The following ULK4 variants were observed in gnomAD, a reference collection of about 807,000 sequenced individuals.
ULK4 encodes inactive serine/threonine-protein kinase ULK4.
A neutral mutation model predicts 160.6 loss-of-function variants in ULK4; 133 were observed. The observed-to-expected ratio is 0.83, with a 90% CI of 0.72 to 0.96. The LOEUF is 0.96. ULK4 is among the 40% of genes least tolerant of loss of function. The pLI is 0.00. For synonymous variants in ULK4, 534 were observed against 539.8 expected (o/e 0.99, Z 0.15); for missense variants, 1,580 against 1,499.5 (o/e 1.05, Z -0.89).
intron 27 of ULK4, among the ~76,000 whole-genome samples, chr3:41,690,325 A>G (rs1201237704): frequency 6.6e-6 from 1 of 151,496 alleles, no homozygotes; most frequent in Non-Finnish European, 1.5e-5. Context: ...TAGCTTTAGG[A>G]GATATACCTA....
chr3:41,935,017 AT>A (rs10635589), intron 4 of ULK4, among the ~76,000 whole-genome samples: 5,228 of 112,652 alleles, frequency 0.046, 90 homozygotes, highest in East Asian at 0.15. Context: ...TTATTTATTA[AT>A]TTTTTTTTTT....
chr3:41,735,770 C>T (rs1036284354), intron 22 of ULK4, among the ~76,000 whole-genome samples: 2 of 150,508 alleles, frequency 1.3e-5, no homozygotes, highest in East Asian at 2.0e-4. Flanking sequence ...CATATGTATA[C>T]ATATGTCATG....
intron 27 of ULK4, among the ~76,000 whole-genome samples, chr3:41,702,560 A>C (rs1297491696): frequency 6.6e-6 from 1 of 152,200 alleles, no homozygotes; most frequent in Non-Finnish European, 1.5e-5. Flanking sequence ...ATATTAATCA[A>C]AACAAAGTTT....
chr3:41,907,591 G>T (rs1444236010), intron 12 of ULK4, among the ~76,000 whole-genome samples: 1 of 152,056 alleles, frequency 6.6e-6, no homozygotes, highest in Non-Finnish European at 1.5e-5. Context: ...CATCCAGCCT[G>T]AATTGTTCAC....
chr3:41,821,524 G>T (rs1045170496), intron 18 of ULK4, among the ~76,000 whole-genome samples: 4 of 152,152 alleles, frequency 2.6e-5, no homozygotes, highest in African/African-American at 9.7e-5. Context: ...GTTATAACAG[G>T]ACAGGTTCCT....
At chr3:41,248,267 A>C (rs2078681387) in intron 36 of ULK4, among the ~76,000 whole-genome samples, 1 of 152,178 alleles carries the variant, frequency 6.6e-6, no homozygotes, top group African/African-American at 2.4e-5. Flanking sequence ...ATTTTGCACA[A>C]GGCCAGGATC....
intron 35 of ULK4, among the ~76,000 whole-genome samples, chr3:41,347,951 T>C (rs1279493344): frequency 6.6e-6 from 1 of 152,166 alleles, no homozygotes; most frequent in African/African-American, 2.4e-5. Context: ...CTCATGCCTG[T>C]AACCCCAGCA....
chr3:41,578,472 G>A (rs1263136205), intron 31 of ULK4, among the ~76,000 whole-genome samples: 1 of 152,086 alleles, frequency 6.6e-6, no homozygotes, highest in East Asian at 1.9e-4. Flanking sequence ...AATGACACAC[G>A]CTATACCATC....
At chr3:41,690,326 G>T (rs1037522413) in intron 27 of ULK4, among the ~76,000 whole-genome samples, 3 of 151,398 alleles carry the variant, frequency 2.0e-5, no homozygotes, top group Non-Finnish European at 4.4e-5. Flanking sequence ...AGCTTTAGGA[G>T]ATATACCTAA....
At chr3:41,342,924 A>G (rs2080717755) in intron 35 of ULK4, among the ~76,000 whole-genome samples, 2 of 152,220 alleles carry the variant, frequency 1.3e-5, no homozygotes, top group African/African-American at 4.8e-5. Context: ...GACAAAAACC[A>G]CATGATTATC....
intron 35 of ULK4, among the ~76,000 whole-genome samples, chr3:41,319,403 T>C (rs1238194921): frequency 6.6e-6 from 1 of 152,220 alleles, no homozygotes; most frequent in Non-Finnish European, 1.5e-5. Context: ...CATGATTATC[T>C]GATTATCATA....
intron 31 of ULK4, among the ~76,000 whole-genome samples, chr3:41,573,544 G>C (rs1278182674): frequency 6.6e-6 from 1 of 152,132 alleles, no homozygotes; most frequent in South Asian, 2.1e-4. Context: ...GTTCAGGCCA[G>C]AATTTAACAA....
At chr3:41,876,768 T>C (rs1385501871) in intron 17 of ULK4, among the ~76,000 whole-genome samples, 2 of 152,152 alleles carry the variant, frequency 1.3e-5, no homozygotes, top group East Asian at 3.8e-4. Context: ...AAAGTATACA[T>C]ATCATATGAC....
chr3:41,754,401 T>C lies in ULK4; in HGVS notation c.2281A>G (p.Ile761Val). 6.2e-7 allele frequency: 1 copy of C among 1,613,198 alleles called. No individual in the cohort carries two copies. Among genetic ancestry groups the C allele is most frequent in the Non-Finnish European group, 8.5e-7 (1 of 1,179,732 alleles). ...AGCAGCAACATCTCACGGTTATAAA[T>C]CAAAATATATAGAAGAACCAGGAAG... ...KAFLVLLYIL[I>V]YNREMLLLSC... Residue 761 changes from isoleucine to valine, a missense_variant, in exon 22 of 37, where the codon ATT (isoleucine) becomes GTT (valine). Ile to Val is a conservative substitution (Grantham distance 29). Coordinates refer to ENST00000301831, the MANE Select transcript of ULK4 (RefSeq NM_017886.4).
chr3:41,655,175 T>G (rs1177837019), intron 30 of ULK4, among the ~76,000 whole-genome samples: 1 of 151,374 alleles, frequency 6.6e-6, no homozygotes, highest in Non-Finnish European at 1.5e-5. Context: ...ATTATCTAGG[T>G]GTACATGGAA....
chr3:41,835,660 G>A (rs2041731772), intron 18 of ULK4, among the ~76,000 whole-genome samples: 1 of 152,182 alleles, frequency 6.6e-6, no homozygotes, highest in Non-Finnish European at 1.5e-5. Flanking sequence ...GGCACTGGGA[G>A]GAAGGAAGGA....
intron 35 of ULK4, among the ~76,000 whole-genome samples, chr3:41,317,063 A>ATTTTTTTTTTTTTTTTTTTTT (rs1164870603): frequency 4.2e-5 from 4 of 94,522 alleles, no homozygotes; most frequent in African/African-American, 1.7e-4. Context: ...AATTACATCT[A>ATTTTTTTTTTTTTTTTTTTTT]TTTTTTTTTT....
intron 34 of ULK4, among the ~76,000 whole-genome samples, chr3:41,454,952 T>C (rs1019452494): frequency 9.9e-5 from 15 of 152,274 alleles, no homozygotes; most frequent in Admixed American, 2.6e-4. Context: ...TCACCTTGGT[T>C]TCCCAAAGTG....
chr3:41,533,011 C>T (rs1177091481), intron 32 of ULK4, among the ~76,000 whole-genome samples: 1 of 152,210 alleles, frequency 6.6e-6, no homozygotes, highest in East Asian at 1.9e-4. Flanking sequence ...AGAGGCCTTG[C>T]AGCTTCCACT....
Sources: gnomAD v4.1 joint callset for allele counts (sites outside exome capture counted in the v4.1 genomes callset) on GRCh38, gnomAD v4.1.1 for gene constraint, MANE v1.5 for transcripts, NCBI Gene and HGNC (gene_info 2026-07-23, HGNC 2026-07-21) for gene names.